The following DTHD1 variants were observed in gnomAD, a reference collection of about 807,000 sequenced individuals.
The protein encoded by DTHD1 is death domain containing 1, also known as death domain-containing protein 1.
In DTHD1, 59 loss-of-function variants were observed where a neutral mutation model predicts 74.8. The observed-to-expected ratio is 0.79, with a 90% confidence interval of 0.64 to 0.98. The LOEUF is 0.98. Among genes scored for constraint, DTHD1 ranks in the 50% least tolerant of loss-of-function variants. The pLI is 0.00. For missense variants in DTHD1, 1,051 were observed against 1,065.4 expected, an observed-to-expected ratio of 0.99 and a Z score of 0.19; for synonymous variants, 365 against 371.1, an observed-to-expected ratio of 0.98 and a Z score of 0.19.
At chr4:36,342,801 C>A (rs1272380246) in intron 9 of DTHD1, among the ~76,000 whole-genome samples, 1 of 150,968 alleles carries the variant, frequency 6.6e-6, no homozygotes, top group Non-Finnish European at 1.5e-5. Flanking sequence ...CTCGGCCAGG[C>A]GTGGTGGCTC....
intron 8 of DTHD1, among the ~76,000 whole-genome samples, chr4:36,332,350 T>G (rs1404425555): frequency 1.3e-5 from 2 of 152,210 alleles, no homozygotes; most frequent in Non-Finnish European, 2.9e-5. Context: ...TTTACAATTT[T>G]CCAGACTTTC....
At chr4:36,327,770 C>T (rs1242745567) in intron 8 of DTHD1, among the ~76,000 whole-genome samples, 3 of 152,188 alleles carry the variant, frequency 2.0e-5, no homozygotes, top group African/African-American at 7.2e-5. Flanking sequence ...TTCACTGCTT[C>T]CATATATATT....
intron 8 of DTHD1, among the ~76,000 whole-genome samples, chr4:36,332,324 A>G (rs1229432461): frequency 6.6e-6 from 1 of 152,220 alleles, no homozygotes; most frequent in African/African-American, 2.4e-5. Context: ...AAATATGTGT[A>G]AAATGGAGAG....
intron 8 of DTHD1, among the ~76,000 whole-genome samples, chr4:36,326,468 TAGA>T: frequency 6.7e-6 from 1 of 149,660 alleles, no homozygotes; most frequent in East Asian, 2.0e-4. Context: ...CTGAAGCATA[TAGA>T]GGTTTTCCCC....
At chr4:36,290,098 T>G (rs768192546) in intron 2 of DTHD1, among the ~76,000 whole-genome samples, 33 of 152,284 alleles carry the variant, frequency 2.2e-4, no homozygotes, top group Admixed American at 4.6e-4. Context: ...ATATAACAAC[T>G]ATGGTGTACC....
intron 8 of DTHD1, among the ~76,000 whole-genome samples, chr4:36,321,990 T>G (rs1425941229): frequency 6.6e-6 from 1 of 150,880 alleles, no homozygotes; most frequent in Non-Finnish European, 1.5e-5. Flanking sequence ...TATCTGCATG[T>G]CTGTTACCCT....
intron 4 of DTHD1, among the ~76,000 whole-genome samples, chr4:36,294,161 C>A (rs908830027): frequency 6.6e-6 from 1 of 151,778 alleles, no homozygotes; most frequent in Non-Finnish European, 1.5e-5. Flanking sequence ...ATTTAATATA[C>A]GCAAACACTA....
chr4:36,300,128 G>T (rs566784443), intron 5 of DTHD1, among the ~76,000 whole-genome samples: 5 of 152,106 alleles, frequency 3.3e-5, no homozygotes. Flanking sequence ...GTCTTTGGGC[G>T]TGTTTATATC....
chr4:36,320,540 C>G (rs892947998), intron 8 of DTHD1, among the ~76,000 whole-genome samples: 6 of 152,186 alleles, frequency 3.9e-5, no homozygotes, highest in Non-Finnish European at 8.8e-5. Context: ...TCTGTGCTTT[C>G]TTTTTATTCC....
At chr4:36,322,150 T>C (rs775290759) in intron 8 of DTHD1, among the ~76,000 whole-genome samples, 3 of 151,496 alleles carry the variant, frequency 2.0e-5, no homozygotes, top group Admixed American at 6.8e-5. Context: ...TCTCCGTTTT[T>C]ACATGTGTTT....
chr4:36,297,643 C>T (rs1287925037), intron 5 of DTHD1, among the ~76,000 whole-genome samples: 1 of 152,034 alleles, frequency 6.6e-6, no homozygotes, highest in Non-Finnish European at 1.5e-5. Context: ...CCAGTGATGC[C>T]CTTCTGAGAT....
intron 7 of DTHD1, among the ~76,000 whole-genome samples, chr4:36,310,372 C>T (rs1050294465): frequency 9.2e-5 from 14 of 152,098 alleles, no homozygotes; most frequent in African/African-American, 2.9e-4. Context: ...AGAGAGGAAA[C>T]GTCTTTGAAA....
At chr4:36,341,281 C>G (rs1759299734) in intron 9 of DTHD1, among the ~76,000 whole-genome samples, 1 of 151,840 alleles carries the variant, frequency 6.6e-6, no homozygotes, top group Non-Finnish European at 1.5e-5. Context: ...AAGGAAGGAG[C>G]CTTGGTGAGG....
rs1216027626 is a variant in DTHD1, at chr4:36,306,323, A to G, written c.1776A>G (p.Val592=). 6.4e-7 allele frequency: 1 copy of G among 1,550,994 alleles called. No individual in the cohort carries two copies. The highest frequency in any genetic ancestry group is 2.4e-5 in the East Asian group (1 of 40,908). The stretch of plus-strand genomic sequence containing the variant: ...TGAAAACCATACAGAGCGGCTTGGT[A>G]TCAGTTGAATTGTATGAACATTTGG... ...DVVKTIQSGL[V]SVELYEHLER... is the part of the protein sequence containing the mutation. Residue 592 remains valine, a synonymous_variant, in exon 6 of 10, where the codon GTA becomes GTG. Transcript: ENST00000639862.
intron 4 of DTHD1, among the ~76,000 whole-genome samples, chr4:36,294,164 A>G (rs1479439600): frequency 6.6e-6 from 1 of 151,998 alleles, no homozygotes; most frequent in Non-Finnish European, 1.5e-5. Context: ...TAATATACGC[A>G]AACACTATTT....
intron 3 of DTHD1, among the ~76,000 whole-genome samples, chr4:36,292,263 A>T (rs1206251783): frequency 2.0e-5 from 3 of 152,170 alleles, no homozygotes; most frequent in Non-Finnish European, 1.5e-5. Context: ...CCCACTTGTC[A>T]CAAAATGGGT....
chr4:36,310,025 A>G (rs1757300536), intron 7 of DTHD1, among the ~76,000 whole-genome samples: 1 of 152,318 alleles, frequency 6.6e-6, no homozygotes, highest in Non-Finnish European at 1.5e-5. Flanking sequence ...TGCAAAGGAC[A>G]TGATTTTGTT....
chr4:36,309,449 C>A (rs1245225754), intron 7 of DTHD1, among the ~76,000 whole-genome samples: 2 of 152,200 alleles, frequency 1.3e-5, no homozygotes, highest in Non-Finnish European at 2.9e-5. Flanking sequence ...TTGCTTGCTT[C>A]TTTTCCCATA....
chr4:36,323,591 GATTGAAAGAGCAC>G (rs1326663529), intron 8 of DTHD1, among the ~76,000 whole-genome samples: 12 of 109,686 alleles, frequency 1.1e-4, no homozygotes, highest in Non-Finnish European at 2.4e-4. Context: ...TTAAAAAGCA[GATTGAAAGAGCAC>G]ATTAGAAGAA....
Sources: allele counts gnomAD v4.1 joint callset (sites outside exome capture counted in the v4.1 genomes callset), GRCh38; gene constraint gnomAD v4.1.1; transcripts MANE v1.5; gene names NCBI Gene and HGNC (gene_info 2026-07-23, HGNC 2026-07-21).